FBXL13: variants seen among roughly 807,000 people sequenced by gnomAD.
FBXL13 encodes the protein F-box and leucine rich repeat protein 13, also known as F-box and leucine-rich repeat protein 13.
Under a neutral mutation model 83.6 loss-of-function variants are expected in FBXL13, and 67 were observed. The observed-to-expected ratio is 0.80, with a 90% confidence interval of 0.66 to 0.98. FBXL13 has a LOEUF of 0.98. Among genes scored for constraint, FBXL13 ranks in the 50% least tolerant of loss-of-function variants. The pLI is 0.00. For missense variants in FBXL13, 822 were observed against 866.5 expected (o/e 0.95, Z 0.64); for synonymous variants, 272 against 299.5 (o/e 0.91, Z 0.95).
At chr7:102,901,954 G>C (rs1165950052) in intron 11 of FBXL13, among the ~76,000 whole-genome samples, 3 of 152,176 alleles carry the variant, frequency 2.0e-5, no homozygotes, top group African/African-American at 7.2e-5. Context: ...ATACCCAGCA[G>C]TGGAATTGCT....
At chr7:103,058,854 A>T (rs970625106) in intron 1 of FBXL13, among the ~76,000 whole-genome samples, 9 of 152,214 alleles carry the variant, frequency 5.9e-5, no homozygotes, top group Non-Finnish European at 8.8e-5. Context: ...ATAATAAACT[A>T]CTTTTCCTGA....
intron 8 of FBXL13, among the ~76,000 whole-genome samples, chr7:102,951,884 T>C (rs889602226): frequency 6.6e-6 from 1 of 151,210 alleles, no homozygotes; most frequent in Non-Finnish European, 1.5e-5. Context: ...AAAATAAGGG[T>C]TTTTTTGAAT....
Position 102,968,126 on chromosome 7 carries a change from A to G in FBXL13, c.496-9T>C. On this transcript the variant is annotated splice_polypyrimidine_tract_variant and intron_variant, in intron 6 of 19. Transcript: ENST00000313221. ...CTGAGGTAGAAGAAAATCTAAACAC[A>G]AAGAAAAATACACAACTTTGAAAAA... 1.9e-6 allele frequency: 3 copies of G among 1,577,732 alleles called. No homozygotes were observed. The highest frequency in any genetic ancestry group is 2.6e-6 in the Non-Finnish European group (3 of 1,149,024).
Position 102,854,677 on chromosome 7 carries a change from G to A in FBXL13, c.1719+100C>T, listed in dbSNP as rs962016146. On this transcript the variant is annotated intron_variant, in intron 17 of 19. Transcript: ENST00000313221. Reference sequence around the variant, plus strand: ...AAAGTGATTTATATTTTGCAATTCTGTTATTTCAATAAAAATAGTCCTTTT... The same window carrying A: ...AAAGTGATTTATATTTTGCAATTCTATTATTTCAATAAAAATAGTCCTTTT... 11 of 682,556 alleles carry A rather than the reference G, an allele frequency of 1.6e-5. No homozygotes were observed. The Admixed American group carries it at 3.6e-4, about 22-fold the overall frequency. The allele number at this position is 682,556 out of a possible 1,614,324, so 42.3% of individuals were successfully genotyped here.
At chr7:102,986,505 C>T (rs186149995) in intron 6 of FBXL13, among the ~76,000 whole-genome samples, 3 of 152,216 alleles carry the variant, frequency 2.0e-5, no homozygotes, top group Non-Finnish European at 4.4e-5. Context: ...TGGAGTCTCC[C>T]GCCTTCAAGG....
chr7:103,066,159 T>C (rs1798371563), intron 1 of FBXL13, among the ~76,000 whole-genome samples: 1 of 152,226 alleles, frequency 6.6e-6, no homozygotes, highest in African/African-American at 2.4e-5. Context: ...TAATCAGCTG[T>C]CTAGTTTTAT....
intron 1 of FBXL13, among the ~76,000 whole-genome samples, chr7:103,072,571 T>C (rs1029811824): frequency 6.6e-6 from 1 of 152,146 alleles, no homozygotes; most frequent in African/African-American, 2.4e-5. Flanking sequence ...ATCCCTTCCT[T>C]GATGTACCCT....
At chr7:102,857,289 G>A (rs1254028299) in intron 16 of FBXL13, among the ~76,000 whole-genome samples, 1 of 152,094 alleles carries the variant, frequency 6.6e-6, no homozygotes, top group Non-Finnish European at 1.5e-5. Flanking sequence ...AAAGTGAAGA[G>A]ACAACCTATA....
At chr7:102,999,223 T>G (rs1369758832) in intron 6 of FBXL13, among the ~76,000 whole-genome samples, 2 of 152,218 alleles carry the variant, frequency 1.3e-5, no homozygotes, top group Non-Finnish European at 2.9e-5. Context: ...GTATTATGTT[T>G]ATTTATTTGT....
At chr7:102,997,619 C>T (rs1789947341) in intron 6 of FBXL13, among the ~76,000 whole-genome samples, 1 of 152,156 alleles carries the variant, frequency 6.6e-6, no homozygotes, top group Admixed American at 6.5e-5. Flanking sequence ...ATATCCTCTA[C>T]CTCCATGAGA....
At chr7:102,814,855 A>G (rs1440814358) in intron 19 of FBXL13, among the ~76,000 whole-genome samples, 4 of 151,972 alleles carry the variant, frequency 2.6e-5, no homozygotes, top group Non-Finnish European at 5.9e-5. Flanking sequence ...TGCATTTTAA[A>G]CCTCTTATAT....
exon 6 of FBXL13, chr7:103,025,143 G>T: frequency 6.2e-7 from 1 of 1,611,892 alleles, no homozygotes; most frequent in Non-Finnish European, 8.5e-7. Flanking sequence ...GAAGAACTTC[G>T]TTCAGGAAAA....
chr7:102,993,938 T>G (rs1829835395), intron 6 of FBXL13, among the ~76,000 whole-genome samples: 1 of 152,228 alleles, frequency 6.6e-6, no homozygotes, highest in Non-Finnish European at 1.5e-5. Flanking sequence ...TCAATTTATT[T>G]AAAAAACTAA....
chr7:103,061,250 G>A (rs1797877250), intron 1 of FBXL13, among the ~76,000 whole-genome samples: 1 of 151,950 alleles, frequency 6.6e-6, no homozygotes, highest in Non-Finnish European at 1.5e-5. Flanking sequence ...GACAGGACAG[G>A]TGAGGAGCAG....
At position 102,944,175 on chromosome 7, in the gene FBXL13, A is replaced by G. The variant is rs563412113; in HGVS notation, c.725-12242T>C. 24 of 1,554,942 alleles carry G rather than the reference A, an allele frequency of 1.5e-5. No individual in the cohort carries two copies. The African/African-American group carries it at 1.9e-4, about 12-fold the overall frequency. ...ATATGCCATACACTGTATTAACTCA[A>G]TTACTCAGGCTCAATAAATATTTTC... On this transcript the variant is annotated intron_variant, in intron 8 of 19. Transcript: ENST00000313221.
chr7:103,043,895 T>C (rs1255549064), intron 2 of FBXL13, among the ~76,000 whole-genome samples: 35 of 152,218 alleles, frequency 2.3e-4, no homozygotes, highest in Admixed American at 2.2e-3. Flanking sequence ...AGTGGTTCTA[T>C]GGTAATGTTA....
intron 11 of FBXL13, among the ~76,000 whole-genome samples, chr7:102,888,734 T>C (rs1396267999): frequency 6.6e-6 from 1 of 152,110 alleles, no homozygotes; most frequent in African/African-American, 2.4e-5. Context: ...TTTTTGTTTT[T>C]TTTTGTACTG....
intron 8 of FBXL13, among the ~76,000 whole-genome samples, chr7:102,948,189 G>A (rs535350509): frequency 2.6e-5 from 4 of 151,182 alleles, no homozygotes; most frequent in African/African-American, 7.3e-5. Context: ...TCAGCCTCCC[G>A]GGTAGCTGGG....
chr7:102,824,332 C>T (rs1799246970), intron 18 of FBXL13, among the ~76,000 whole-genome samples: 1 of 152,080 alleles, frequency 6.6e-6, no homozygotes, highest in South Asian at 2.1e-4. Flanking sequence ...AATATAAGCA[C>T]ATTGCCAAAA....
Sources: gnomAD v4.1 joint callset for allele counts (sites outside exome capture counted in the v4.1 genomes callset) on GRCh38, gnomAD v4.1.1 for gene constraint, MANE v1.5 for transcripts, NCBI Gene and HGNC (gene_info 2026-07-23, HGNC 2026-07-21) for gene names.